Variants in CSMD1 observed in about 807,000 individuals in gnomAD.
CSMD1 encodes CUB and sushi domain-containing protein 1.
In CSMD1, 213 loss-of-function variants were observed where a neutral mutation model predicts 417.5. That is an observed-to-expected ratio of 0.51 (90% CI 0.46 to 0.57). The LOEUF is 0.57. Ranked by LOEUF, CSMD1 falls within the 20% of genes least tolerant of loss-of-function variation. The pLI is 0.00. For synonymous variants in CSMD1, 2,862 were observed against 1,736.8 expected, an observed-to-expected ratio of 1.65 and a Z score of -16.11; for missense variants, 6,923 against 4,529.7, an observed-to-expected ratio of 1.53 and a Z score of -15.17.
intron 7 of CSMD1, among the ~76,000 whole-genome samples, chr8:3,634,005 G>C (rs1235399575): frequency 6.8e-6 from 1 of 146,208 alleles, no homozygotes; most frequent in East Asian, 2.1e-4. Flanking sequence ...TAAAATGTCT[G>C]TAAATGTTTT....
At chr8:4,923,241 G>C (rs1806619404) in intron 1 of CSMD1, among the ~76,000 whole-genome samples, 1 of 152,136 alleles carries the variant, frequency 6.6e-6, no homozygotes, top group Non-Finnish European at 1.5e-5. Flanking sequence ...TCATTAAACA[G>C]CTGTCCTTTC....
At chr8:4,484,646 C>G (rs897833278) in intron 2 of CSMD1, among the ~76,000 whole-genome samples, 2 of 152,018 alleles carry the variant, frequency 1.3e-5, no homozygotes, top group African/African-American at 4.8e-5. Context: ...ACACATCTTC[C>G]TGCATGGTCC....
intron 3 of CSMD1, among the ~76,000 whole-genome samples, chr8:4,307,973 A>G (rs1233402588): frequency 2.6e-5 from 4 of 152,150 alleles, no homozygotes; most frequent in South Asian, 2.1e-4. Context: ...ACCTGAAGAA[A>G]TTACAGAGGC....
chr8:4,852,935 G>A (rs998392486), intron 1 of CSMD1, among the ~76,000 whole-genome samples: 9 of 152,166 alleles, frequency 5.9e-5, no homozygotes, highest in Non-Finnish European at 1.2e-4. Flanking sequence ...GTACATGGCA[G>A]AAGGAATTTC....
intron 23 of CSMD1, 86 bp downstream of exon 23, chr8:3,343,208 C>T (rs141995668): frequency 8.3e-7 from 1 of 1,201,154 alleles, no homozygotes; most frequent in African/African-American, 1.5e-5. Context: ...AGAAAAAAAT[C>T]AATATTTAAA....
chr8:4,208,808 G>A (rs767717648), intron 3 of CSMD1, among the ~76,000 whole-genome samples: 92 of 152,212 alleles, frequency 6.0e-4, no homozygotes, highest in African/African-American at 1.2e-3. Flanking sequence ...AAAACTGTCC[G>A]GTTTTACAGT....
intron 3 of CSMD1, among the ~76,000 whole-genome samples, chr8:4,255,414 G>C (rs1338958344): frequency 3.9e-5 from 6 of 152,192 alleles, no homozygotes; most frequent in Non-Finnish European, 1.5e-5. Context: ...TATGCAAACA[G>C]TAAAAATTGC....
intron 5 of CSMD1, among the ~76,000 whole-genome samples, chr8:3,882,222 GA>G (rs755553803): frequency 6.6e-5 from 10 of 150,972 alleles, no homozygotes; most frequent in African/African-American, 2.2e-4. Context: ...CCATAAAGTG[GA>G]AAAAAAAGTA....
chr8:4,268,993 A>T (rs1804399396), intron 3 of CSMD1, among the ~76,000 whole-genome samples: 1 of 152,130 alleles, frequency 6.6e-6, no homozygotes, highest in African/African-American at 2.4e-5. Context: ...ACATTTTCTT[A>T]ATTTCCTGAT....
chr8:3,982,251 T>C (rs1813941238), intron 5 of CSMD1, among the ~76,000 whole-genome samples: 1 of 150,764 alleles, frequency 6.6e-6, no homozygotes, highest in South Asian at 2.1e-4. Context: ...GAGCTAAAAC[T>C]TAAGAATGCT....
At chr8:3,382,615 A>G (rs1432939031) in intron 18 of CSMD1, among the ~76,000 whole-genome samples, 1 of 143,010 alleles carries the variant, frequency 7.0e-6, no homozygotes, top group Admixed American at 7.2e-5. Context: ...ATATAATAAT[A>G]AATATAAATA....
In CSMD1 at chr8:4,855,184, C is replaced by T. The variant is rs563588268; in HGVS notation, c.85+139148G>A. Among the ~76,000 whole-genome samples, 22 of 150,148 alleles carry T rather than the reference C, an allele frequency of 1.5e-4. 1 individual carries two copies. Among genetic ancestry groups the T allele is most frequent in the Admixed American group, 1.4e-3 (21 of 14,680 alleles). ...CACCTCACACGGCAGGGTACTCCAA[C>T]AGACCTGCAGCTGACGGTCCTCTTT... On this transcript the variant is annotated intron_variant, in intron 1 of 69. Transcript: ENST00000635120.
intron 2 of CSMD1, among the ~76,000 whole-genome samples, chr8:4,500,060 A>G (rs902147275): frequency 2.7e-5 from 4 of 145,464 alleles, no homozygotes; most frequent in African/African-American, 1.0e-4. Flanking sequence ...GGCTGGGAGA[A>G]TACAATGTGT....
chr8:4,717,734 C>G (rs1477247965), intron 1 of CSMD1, among the ~76,000 whole-genome samples: 1 of 152,064 alleles, frequency 6.6e-6, no homozygotes, highest in Admixed American at 6.5e-5. Flanking sequence ...GCCATGTTTG[C>G]AGGAAGCAAT....
intron 1 of CSMD1, among the ~76,000 whole-genome samples, chr8:4,661,667 G>C (rs905500724): frequency 6.6e-6 from 1 of 152,040 alleles, no homozygotes; most frequent in African/African-American, 2.4e-5. Context: ...ATATCTCTCC[G>C]TATTATTGTT....
At chr8:4,215,898 TAAAC>T (rs1800639545) in intron 3 of CSMD1, among the ~76,000 whole-genome samples, 1 of 152,196 alleles carries the variant, frequency 6.6e-6, no homozygotes, top group Non-Finnish European at 1.5e-5. Flanking sequence ...ACAAAAAAAT[TAAAC>T]AAGAACAAAG....
intron 3 of CSMD1, among the ~76,000 whole-genome samples, chr8:4,140,494 A>T (rs1256917862): frequency 7.6e-6 from 1 of 131,256 alleles, no homozygotes; most frequent in African/African-American, 2.6e-5. Context: ...TCCATCTCAA[A>T]AACAAACAAA....
At chr8:4,566,568 G>C (rs1448405672) in intron 2 of CSMD1, among the ~76,000 whole-genome samples, 6 of 150,422 alleles carry the variant, frequency 4.0e-5, no homozygotes, top group Non-Finnish European at 5.9e-5. Context: ...CAGGAGAGTG[G>C]CGTGAACCCA....
At chr8:4,959,554 C>G (rs111683866) in intron 1 of CSMD1, among the ~76,000 whole-genome samples, 1 of 152,236 alleles carries the variant, frequency 6.6e-6, no homozygotes, top group Non-Finnish European at 1.5e-5. Context: ...ACTCTGGTCA[C>G]GGCACTATAA....
Sources: allele counts gnomAD v4.1 joint callset (sites outside exome capture counted in the v4.1 genomes callset), GRCh38; gene constraint gnomAD v4.1.1; transcripts MANE v1.5; gene names NCBI Gene and HGNC (gene_info 2026-07-23, HGNC 2026-07-21).